The following EIF4E1B variants were observed in gnomAD, a reference collection of about 807,000 sequenced individuals.
EIF4E1B encodes the protein eukaryotic translation initiation factor 4E type 1B.
In EIF4E1B, 22 loss-of-function variants were observed where a neutral mutation model predicts 31.3. That is an observed-to-expected ratio of 0.70 (90% CI 0.50 to 1.00). The LOEUF (loss-of-function observed/expected upper bound fraction) is 1.00, where lower values mean the gene tolerates loss of function less well. Ranked by LOEUF, EIF4E1B falls within the 50% of genes least tolerant of loss-of-function variation. EIF4E1B has a pLI of 0.00. For missense variants in EIF4E1B, 290 were observed against 311.6 expected (o/e 0.93, Z 0.52); for synonymous variants, 126 against 120.2 (o/e 1.05, Z -0.31).
rs1423729008 is a variant in EIF4E1B, at chr5:176,645,395, G to C, written c.493G>C (p.Glu165Gln). The C allele has an allele frequency of 6.5e-7, 1 of 1,529,398 alleles. No individual in the cohort carries two copies. Among genetic ancestry groups the C allele is most frequent in the Non-Finnish European group, 8.8e-7 (1 of 1,136,148 alleles). 94.7% of individuals were successfully genotyped at this position (1,529,398 alleles called of 1,614,324 possible). ...GGTCCAGCTGCTGTGTCTGATCGGG[G>C]AGAGCTTTGAGGAACACAGCAGAGA... ...WLETLLCLIG[E>Q]SFEEHSREVC... The change falls in exon 8 of 9, where the codon GAG (glutamate) becomes CAG (glutamine). Residue 165 changes from glutamate to glutamine, a missense_variant. Coordinates refer to ENST00000318682, the MANE Select transcript of EIF4E1B (RefSeq NM_001099408.2). The surrounding 1 kb of genome is among the most constrained non-coding windows in gnomAD (Gnocchi z 5.4).
intron 1 of EIF4E1B, among the ~76,000 whole-genome samples, chr5:176,640,200 C>T (rs1760551461): frequency 6.6e-6 from 1 of 152,174 alleles, no homozygotes; most frequent in Non-Finnish European, 1.5e-5. Flanking sequence ...GCCAAGCAGC[C>T]ACATGGAGAG....
In EIF4E1B at chr5:176,642,581, C is replaced by T. The variant is rs866955700; in HGVS notation, c.-78-129C>T. ...TTGGGGATGGTGCCAGAAGGCCCCA[C>T]GGCCATGTCAGTGTCTCTGCTTCTG... On this transcript the variant is annotated intron_variant, in intron 2 of 8. Coordinates refer to ENST00000318682, the MANE Select transcript of EIF4E1B (RefSeq NM_001099408.2). 25 of 711,544 alleles carry T rather than the reference C, an allele frequency of 3.5e-5. No homozygotes were observed. In the Middle Eastern group the frequency reaches 2.0e-3, roughly 57 times the overall value. The allele number at this position is 711,544 out of a possible 1,614,324, so 44.1% of individuals were successfully genotyped here. A position where few individuals can be genotyped will look rare whatever the true frequency, so the allele number is the denominator to read the frequency against.
intron 1 of EIF4E1B, among the ~76,000 whole-genome samples, chr5:176,633,097 C>T (rs1201017455): frequency 1.3e-5 from 2 of 152,172 alleles, no homozygotes; most frequent in East Asian, 3.8e-4. Flanking sequence ...GCCATGGCAT[C>T]GGGATTCTTC....
At position 176,645,001 on chromosome 5, in the gene EIF4E1B, G is replaced by GGGA; in HGVS notation, c.361-128_361-126dup. On this transcript the variant is annotated intron_variant, in intron 6 of 8. Coordinates refer to ENST00000318682, the MANE Select transcript of EIF4E1B (RefSeq NM_001099408.2). The surrounding 1 kb of genome is among the most constrained non-coding windows in gnomAD (Gnocchi z 5.4). Reference sequence around the variant, plus strand: ...TGGGGGTGGAACCTGCTTGCACTGAGGGAAGGGAGGATAAGAGAATCTGGC... The same window carrying GGGA: ...TGGGGGTGGAACCTGCTTGCACTGAGGGAGGAAGGGAGGATAAGAGAATCTGGC... 2 of 788,736 alleles carry GGGA rather than the reference G, an allele frequency of 2.5e-6. No homozygotes were observed. Among genetic ancestry groups the GGGA allele is most frequent in the Non-Finnish European group, 4.1e-6 (2 of 488,276 alleles). 48.9% of individuals were successfully genotyped at this position (788,736 alleles called of 1,614,324 possible). A position where few individuals can be genotyped will look rare whatever the true frequency, so the allele number is the denominator to read the frequency against.
At chr5:176,632,603 T>C (rs1760424785) in intron 1 of EIF4E1B, among the ~76,000 whole-genome samples, 1 of 152,200 alleles carries the variant, frequency 6.6e-6, no homozygotes, top group Non-Finnish European at 1.5e-5. Context: ...GAGTTGCACC[T>C]AGGAAACGGG....
At chr5:176,643,817 T>G in intron 5 of EIF4E1B, 83 bp downstream of exon 5, 1 of 1,432,502 alleles carries the variant, frequency 7.0e-7, no homozygotes, top group Non-Finnish European at 9.6e-7. Context: ...CAGCCCTCCC[T>G]AGGGCCTTTC....
chr5:176,635,909 C>T (rs915820960), intron 1 of EIF4E1B, among the ~76,000 whole-genome samples: 5 of 151,988 alleles, frequency 3.3e-5, no homozygotes, highest in Middle Eastern at 3.2e-3. Flanking sequence ...CTCTGCCTCC[C>T]GGGTTCAAGC....
At chr5:176,642,509 A>G (rs1419167298) in intron 2 of EIF4E1B, among the ~76,000 whole-genome samples, 2 of 152,126 alleles carry the variant, frequency 1.3e-5, no homozygotes, top group African/African-American at 4.8e-5. Context: ...AAACAAAAAA[A>G]CTCAGGTGCT....
chr5:176,644,467 C>CA (rs748452506), intron 6 of EIF4E1B, 28 bp downstream of exon 6: 46 of 1,579,258 alleles, frequency 2.9e-5, no homozygotes, highest in Non-Finnish European at 5.2e-6. Context: ...CTTTCCCTCC[C>CA]GCAAAGGGAC....
intron 6 of EIF4E1B, 54 bp downstream of exon 6, chr5:176,644,493 C>A: frequency 6.5e-7 from 1 of 1,535,342 alleles, no homozygotes; most frequent in Non-Finnish European, 8.8e-7. Context: ...GTTGATCCCT[C>A]CCGGACTCCA....
At position 176,645,912 on chromosome 5, in the gene EIF4E1B, G is replaced by C. The variant is rs772381239; in HGVS notation, c.661G>C (p.Gly221Arg). 1 of 1,609,386 alleles carries C rather than the reference G, an allele frequency of 6.2e-7. No individual in the cohort carries two copies. The highest frequency in any genetic ancestry group is 8.5e-7 in the Non-Finnish European group (1 of 1,177,958). Residue 221 changes from glycine to arginine, a missense_variant, in exon 9 of 9, where the codon GGG becomes CGG. By Grantham distance (125) the Gly-to-Arg change is moderately radical. Transcript: ENST00000318682. This position sits in a 1 kb window ranked among gnomAD's most constrained non-coding sequence, Gnocchi z 5.4. ...GGGCCTCTCCCCAAAGACCATCATT[G>C]GGTACCAGGCCCATGCAGACACAGC... ...RLGLSPKTII[G>R]YQAHADTATK...
chr5:176,645,453 A>AG lies in EIF4E1B; in HGVS notation c.556dup (p.Asp186GlyfsTer90), dbSNP rs761663107. 7.2e-6 allele frequency: 11 copies of AG among 1,517,270 alleles called. No homozygotes were observed. The highest frequency in any genetic ancestry group is 5.3e-5 in the South Asian group (4 of 75,202). The allele number at this position is 1,517,270 out of a possible 1,614,324, so 94.0% of individuals were successfully genotyped here. A position where few individuals can be genotyped will look rare whatever the true frequency, so the allele number is the denominator to read the frequency against. ...GGGGCCGTCGTCAACATCCGCACCAAGGGGGACAAGATCGCTGTGTGGACG... is the reference window on the plus strand; with the variant it reads ...GGGGCCGTCGTCAACATCCGCACCAAGGGGGGACAAGATCGCTGTGTGGACG... On this transcript the variant is annotated frameshift_variant, in exon 8 of 9. Transcript: ENST00000318682. LOFTEE classifies it high-confidence loss of function. This position sits in a 1 kb window ranked among gnomAD's most constrained non-coding sequence, Gnocchi z 5.4.
chr5:176,644,776 C>T (rs931771647), intron 6 of EIF4E1B, among the ~76,000 whole-genome samples: 1 of 152,216 alleles, frequency 6.6e-6, no homozygotes, highest in Non-Finnish European at 1.5e-5. Flanking sequence ...TAGAGATCTC[C>T]CCAGTGACTT....
intron 1 of EIF4E1B, among the ~76,000 whole-genome samples, chr5:176,639,165 G>A (rs1351154901): frequency 2.6e-5 from 4 of 152,300 alleles, no homozygotes; most frequent in African/African-American, 9.6e-5. Context: ...CGAGGAACCT[G>A]GAGAACTTTC....
At chr5:176,644,517 T>A in intron 6 of EIF4E1B, 78 bp downstream of exon 6, 3 of 709,020 alleles carry the variant, frequency 4.2e-6, no homozygotes, top group Non-Finnish European at 6.4e-6. Context: ...CGTTAATCCC[T>A]CAGAGGGGTG....
At position 176,645,986 on chromosome 5, in the gene EIF4E1B, G is replaced by A; in HGVS notation, c.*6G>A. On this transcript the variant is annotated 3_prime_UTR_variant, in exon 9 of 9. Transcript: ENST00000318682. The surrounding 1 kb of genome is among the most constrained non-coding windows in gnomAD (Gnocchi z 5.4). ...AGAACAAGTTTGTGGTGTGAGGGGGGCCTTGGCACCCCTCCTATGTAATGG... is the reference window on the plus strand; with the variant it reads ...AGAACAAGTTTGTGGTGTGAGGGGGACCTTGGCACCCCTCCTATGTAATGG... The A allele has an allele frequency of 1.9e-6, 3 of 1,592,104 alleles. No homozygotes were observed. The highest frequency in any genetic ancestry group is 2.6e-6 in the Non-Finnish European group (3 of 1,169,464).
At chr5:176,644,524 G>GGT in intron 6 of EIF4E1B, 85 bp downstream of exon 6, 1 of 1,351,412 alleles carries the variant, frequency 7.4e-7, no homozygotes, top group South Asian at 1.3e-5. Context: ...CCCTCAGAGG[G>GGT]GTGGGGGTGG....
chr5:176,636,062 C>A (rs1297872600), intron 1 of EIF4E1B, among the ~76,000 whole-genome samples: 1 of 152,178 alleles, frequency 6.6e-6, no homozygotes, highest in Non-Finnish European at 1.5e-5. Flanking sequence ...GGTGATCTGC[C>A]CGCCTCAGCC....
At chr5:176,642,663 C>T (rs1760598336) in intron 2 of EIF4E1B, 47 bp from the exon 3 acceptor site, 2 of 1,465,228 alleles carry the variant, frequency 1.4e-6, no homozygotes, top group Non-Finnish European at 1.8e-6. Context: ...GGATGCAGAC[C>T]TTGCTTTCCC....
Sources: allele counts gnomAD v4.1 joint callset (sites outside exome capture counted in the v4.1 genomes callset), GRCh38; gene constraint gnomAD v4.1.1; non-coding constraint Gnocchi (gnomAD v3.1); transcripts MANE v1.5; gene names NCBI Gene and HGNC (gene_info 2026-07-23, HGNC 2026-07-21).